Variants in PCDHGB4 observed in about 807,000 individuals in gnomAD.
The protein encoded by PCDHGB4 is protocadherin gamma subfamily B, 4, also known as protocadherin gamma-B4.
PCDHGB4 carries 38 observed loss-of-function variants against 60.5 expected under a neutral mutation model. The observed-to-expected ratio is 0.63, with a 90% CI of 0.48 to 0.82. The LOEUF (loss-of-function observed/expected upper bound fraction) is 0.82, where lower values mean the gene tolerates loss of function less well. Ranked by LOEUF, PCDHGB4 falls within the 40% of genes least tolerant of loss-of-function variation. The pLI, the probability that PCDHGB4 is intolerant of heterozygous loss-of-function variation, is 0.00. For synonymous variants in PCDHGB4, 456 were observed against 509.7 expected, an observed-to-expected ratio of 0.89 and a Z score of 1.42; for missense variants, 1,109 against 1,209.6, an observed-to-expected ratio of 0.92 and a Z score of 1.23.
At position 141,487,796 on chromosome 5, in the gene PCDHGB4, T is replaced by C. The variant is rs766798983; in HGVS notation, c.2398-7011T>C. ...TAACTGTTTCGTGAATTAACCAGAG[T>C]TGTCACAGTTTAGCATTGGGGGCGG... On this transcript the variant is annotated intron_variant, in intron 1 of 3. Coordinates refer to ENST00000519479, the MANE Select transcript of PCDHGB4 (RefSeq NM_003736.4). The surrounding 1 kb of genome is among the most constrained non-coding windows in gnomAD (Gnocchi z 5.0). 15 of 1,498,660 alleles carry C rather than the reference T, an allele frequency of 1.0e-5. No homozygotes were observed. The highest frequency in any genetic ancestry group is 1.4e-5 in the Non-Finnish European group (15 of 1,110,900). 92.8% of individuals were successfully genotyped at this position (1,498,660 alleles called of 1,614,324 possible). A position where few individuals can be genotyped will look rare whatever the true frequency, so the allele number is the denominator to read the frequency against.
At chr5:141,507,809 C>G (rs866898784) in intron 3 of PCDHGB4, among the ~76,000 whole-genome samples, 1 of 152,206 alleles carries the variant, frequency 6.6e-6, no homozygotes, top group Non-Finnish European at 1.5e-5. Context: ...CCCTGGGGAA[C>G]GGACCCTGGG....
Position 141,451,147 on chromosome 5 carries a change from A to G in PCDHGB4, c.2398-43660A>G, listed in dbSNP as rs2098708727. ...CCAGCCTTATGATTGTATTTAGACT[A>G]GACATTTTTTTGGTAGTATATTATT... On this transcript the variant is annotated intron_variant, in intron 1 of 3. Coordinates refer to ENST00000519479, the MANE Select transcript of PCDHGB4 (RefSeq NM_003736.4). Among the ~76,000 whole-genome samples, 3 of 152,250 alleles carry G rather than the reference A, an allele frequency of 2.0e-5. No homozygotes were observed. In the South Asian group the frequency reaches 6.2e-4, roughly 32 times the overall value.
Position 141,389,656 on chromosome 5 carries a change from C to A in PCDHGB4, c.1772C>A (p.Ala591Glu), listed in dbSNP as rs763730959. 1.1e-5 allele frequency: 18 copies of A among 1,612,420 alleles called. No individual in the cohort carries two copies. Among genetic ancestry groups the A allele is most frequent in the South Asian group, 1.1e-5 (1 of 91,052 alleles). ...EPGYLVTKVVAVDADSGHNAW... is the reference protein window; with the variant it reads ...EPGYLVTKVVEVDADSGHNAW... ...GGCTACTTGGTGACCAAGGTAGTGG[C>A]GGTGGACGCAGACTCAGGACACAAC... Residue 591 changes from alanine to glutamate, a missense_variant, in exon 1 of 4, where the codon GCG (alanine) becomes GAG (glutamate). Around this residue, in one of 2 missense-constraint regions of PCDHGB4, gnomAD observed 1,068 missense variants for 1,089.9 expected, o/e 0.98. Transcript: ENST00000519479.
chr5:141,461,196 T>C (rs1398352067), intron 1 of PCDHGB4, among the ~76,000 whole-genome samples: 3 of 152,128 alleles, frequency 2.0e-5, no homozygotes. Context: ...TGTTTTTTGC[T>C]CTTTAGAGAA....
At chr5:141,423,384 C>T in intron 1 of PCDHGB4, 1 of 1,614,172 alleles carries the variant, frequency 6.2e-7, no homozygotes. Flanking sequence ...GGCTGTGGCG[C>T]TGGCATAAGT....
chr5:141,475,167 G>T (rs529813171), intron 1 of PCDHGB4, among the ~76,000 whole-genome samples: 1 of 152,160 alleles, frequency 6.6e-6, no homozygotes, highest in Admixed American at 6.5e-5. Flanking sequence ...CATTAGCAGT[G>T]CAACTTCTTG....
chr5:141,428,794 T>C (rs2097161574), intron 1 of PCDHGB4: 1 of 152,852 alleles, frequency 6.5e-6, no homozygotes, highest in African/African-American at 2.4e-5. Context: ...CCTTTCTGTG[T>C]GGGCCAGTAA....
intron 1 of PCDHGB4, chr5:141,419,742 T>C (rs1388509503): frequency 2.5e-5 from 41 of 1,613,742 alleles, no homozygotes; most frequent in Non-Finnish European, 3.5e-5. Context: ...GAGGTGCGCA[T>C]GGTGCGTGCT....
intron 1 of PCDHGB4, chr5:141,433,047 C>G: frequency 1.9e-6 from 3 of 1,614,164 alleles, no homozygotes; most frequent in Non-Finnish European, 2.5e-6. Context: ...ACCACGGACT[C>G]GCGGAAGAGT....
In PCDHGB4 at chr5:141,387,765, T is replaced by C; in HGVS notation, c.-120T>C. 7.0e-7 allele frequency: 1 copy of C among 1,431,622 alleles called. No individual in the cohort carries two copies. Among genetic ancestry groups the C allele is most frequent in the East Asian group, 2.5e-5 (1 of 40,278 alleles). 88.7% of individuals were successfully genotyped at this position (1,431,622 alleles called of 1,614,324 possible). A position where few individuals can be genotyped will look rare whatever the true frequency, so the allele number is the denominator to read the frequency against. ...CGCTTCCTCCTCGGAAAAAGAAGAA[T>C]TTTTTCTTGAACTGGAACTGCAACT... On this transcript the variant is annotated 5_prime_UTR_variant, in exon 1 of 4. Transcript: ENST00000519479.
At chr5:141,402,801 G>C (rs1218765657) in intron 1 of PCDHGB4, 6 of 1,078,624 alleles carry the variant, frequency 5.6e-6, no homozygotes, top group Middle Eastern at 3.2e-4. Flanking sequence ...CACAAAACCC[G>C]GCAGATACCA....
chr5:141,398,708 T>A, intron 1 of PCDHGB4: 2 of 1,613,886 alleles, frequency 1.2e-6, no homozygotes, highest in Non-Finnish European at 1.7e-6. Context: ...TACCCGGAAC[T>A]GGCACTGGAG....
Position 141,432,136 on chromosome 5 carries a change from T to C in PCDHGB4, c.2397+41855T>C, listed in dbSNP as rs766026174. 2 of 1,613,960 alleles carry C rather than the reference T, an allele frequency of 1.2e-6. No individual in the cohort carries two copies. The highest frequency in any genetic ancestry group is 1.7e-5 in the Admixed American group (1 of 59,996). On this transcript the variant is annotated intron_variant, in intron 1 of 3. Transcript: ENST00000519479. The surrounding 1 kb of genome is among the most constrained non-coding windows in gnomAD (Gnocchi z 6.0). ...TCTTCCCTCAGGCCTCCTATTCCGC[T>C]TATATCCCAGAGAACAATCCCAGAG...
chr5:141,399,199 C>T (rs2093768918), intron 1 of PCDHGB4: 8 of 1,613,876 alleles, frequency 5.0e-6, no homozygotes, highest in Non-Finnish European at 6.8e-6. Flanking sequence ...AAACGCGGTG[C>T]CTGGAACACT....
In PCDHGB4 at chr5:141,388,015, G is replaced by A. The variant is rs2091197688; in HGVS notation, c.131G>A (p.Gly44Asp). Residue 44 changes from glycine (G) to aspartate (D), a missense_variant, in exon 1 of 4, where the codon GGC (glycine) becomes GAC (aspartate). Gly to Asp is a moderately conservative substitution (Grantham distance 94, BLOSUM62 -1). Around this residue, in one of 2 missense-constraint regions of PCDHGB4, gnomAD observed 41 missense variants for 119.7 expected, o/e 0.34. Coordinates refer to ENST00000519479, the MANE Select transcript of PCDHGB4 (RefSeq NM_003736.4). ...RYRIPEEMPK[G>D]SVVGNLATDL... ...AGGATTCCCGAGGAAATGCCCAAGG[G>A]CTCCGTAGTGGGGAACCTCGCCACG... 1 of 1,467,954 alleles carries A rather than the reference G, an allele frequency of 6.8e-7. No individual in the cohort carries two copies. Among genetic ancestry groups the A allele is most frequent in the South Asian group, 1.3e-5 (1 of 78,832 alleles). 90.9% of individuals were successfully genotyped at this position (1,467,954 alleles called of 1,614,324 possible). A position where few individuals can be genotyped will look rare whatever the true frequency, so the allele number is the denominator to read the frequency against.
intron 1 of PCDHGB4, among the ~76,000 whole-genome samples, chr5:141,425,058 G>A (rs938128250): frequency 1.3e-5 from 2 of 151,986 alleles, no homozygotes; most frequent in African/African-American, 2.4e-5. Context: ...TCTAGGGCTC[G>A]GACAAAAATA....
rs1333419586 is a variant in PCDHGB4 at position 141,485,206 on chromosome 5, C to T, written c.2398-9601C>T. 1 of 1,614,116 alleles carries T rather than the reference C, an allele frequency of 6.2e-7. No individual in the cohort carries two copies. The highest frequency in any genetic ancestry group is 8.5e-7 in the Non-Finnish European group (1 of 1,179,946). ...GCAAGGTGAGAAGCTGGACAGAAAT[C>T]TGGCGGTGGGCTACCCTTTTGTTCC... On this transcript the variant is annotated intron_variant, in intron 1 of 3. Coordinates refer to ENST00000519479, the MANE Select transcript of PCDHGB4 (RefSeq NM_003736.4). The surrounding 1 kb of genome is among the most constrained non-coding windows in gnomAD (Gnocchi z 5.7).
chr5:141,477,678 C>A lies in PCDHGB4; in HGVS notation c.2398-17129C>A, dbSNP rs967769574. 1 of 1,614,182 alleles carries A rather than the reference C, an allele frequency of 6.2e-7. No individual in the cohort carries two copies. The highest frequency in any genetic ancestry group is 1.3e-5 in the African/African-American group (1 of 75,054). ...AATCGTGACAATGGCATAGTGTCAT[C>A]CTTAGTGCCCCTAGACTATGAGGAT... is the stretch of plus-strand genomic sequence containing the variant. On this transcript the variant is annotated intron_variant, in intron 1 of 3. Transcript: ENST00000519479. The surrounding 1 kb of genome is among the most constrained non-coding windows in gnomAD (Gnocchi z 4.9).
At chr5:141,404,215 G>T (rs1372288822) in intron 1 of PCDHGB4, 15 of 1,613,346 alleles carry the variant, frequency 9.3e-6, no homozygotes, top group Non-Finnish European at 1.3e-5. Context: ...ATAATATCAC[G>T]GTGACTGCAA....
Sources: allele counts gnomAD v4.1 joint callset (sites outside exome capture counted in the v4.1 genomes callset), GRCh38; gene constraint gnomAD v4.1.1; regional missense constraint gnomAD v4.1.1; non-coding constraint Gnocchi (gnomAD v3.1); transcripts MANE v1.5; gene names NCBI Gene and HGNC (gene_info 2026-07-23, HGNC 2026-07-21).